Variants in MYO1D observed in about 807,000 individuals in gnomAD.
MYO1D encodes the protein myosin ID.
MYO1D carries 83 observed loss-of-function variants against 122.0 expected under a neutral mutation model. The observed-to-expected ratio is 0.68, with a 90% CI of 0.57 to 0.82. The LOEUF is 0.82. Ranked by LOEUF, MYO1D falls within the 40% of genes least tolerant of loss-of-function variation. The pLI is 0.00. For synonymous variants in MYO1D, 464 were observed against 446.9 expected (o/e 1.04, Z -0.48); for missense variants, 1,157 against 1,269.5 (o/e 0.91, Z 1.35).
chr17:32,507,882 C>A (rs1909551832), intron 21 of MYO1D, among the ~76,000 whole-genome samples: 1 of 150,892 alleles, frequency 6.6e-6, no homozygotes, highest in Admixed American at 6.6e-5. Context: ...CAGAACCCAA[C>A]CATGCTGGAC....
chr17:32,815,561 T>A (rs2090606436), intron 1 of MYO1D, among the ~76,000 whole-genome samples: 1 of 152,224 alleles, frequency 6.6e-6, no homozygotes, highest in Admixed American at 6.5e-5. Flanking sequence ...CCAATCCTGG[T>A]CAGGCAGCCC....
At chr17:32,676,964 C>T (rs1426461556) in intron 16 of MYO1D, among the ~76,000 whole-genome samples, 1 of 152,066 alleles carries the variant, frequency 6.6e-6, no homozygotes, top group Non-Finnish European at 1.5e-5. Context: ...GCGCCCACCA[C>T]CATGCCCGGC....
intron 20 of MYO1D, among the ~76,000 whole-genome samples, chr17:32,606,208 T>A (rs1256202561): frequency 2.6e-5 from 4 of 152,156 alleles, no homozygotes; most frequent in African/African-American, 7.2e-5. Context: ...AGATTTATAT[T>A]TAAAAACATT....
At chr17:32,718,253 T>C (rs1567964032) in intron 15 of MYO1D, among the ~76,000 whole-genome samples, 1 of 152,198 alleles carries the variant, frequency 6.6e-6, no homozygotes, top group Admixed American at 6.5e-5. Context: ...GATCAAGATA[T>C]ATCATCTCAG....
chr17:32,801,634 T>C (rs746018109), intron 1 of MYO1D, among the ~76,000 whole-genome samples: 4 of 152,226 alleles, frequency 2.6e-5, no homozygotes, highest in African/African-American at 4.8e-5. Context: ...TGGTGTTAGA[T>C]TGAAATGGTA....
chr17:32,604,043 T>C (rs1294220110), intron 21 of MYO1D, among the ~76,000 whole-genome samples: 1 of 152,180 alleles, frequency 6.6e-6, no homozygotes, highest in Non-Finnish European at 1.5e-5. Flanking sequence ...TAAGGTGTAA[T>C]AACATAAAAT....
chr17:32,729,650 A>C (rs1192072231), intron 14 of MYO1D, among the ~76,000 whole-genome samples: 1 of 152,216 alleles, frequency 6.6e-6, no homozygotes, highest in African/African-American at 2.4e-5. Context: ...CCTACACCTC[A>C]TGGTTGTTTT....
At chr17:32,544,544 C>T (rs531693994) in intron 21 of MYO1D, among the ~76,000 whole-genome samples, 11 of 152,302 alleles carry the variant, frequency 7.2e-5, no homozygotes, top group Non-Finnish European at 1.2e-4. Context: ...AGTTCTGTTG[C>T]TGACCACGTC....
chr17:32,567,056 A>G (rs1328618379), intron 21 of MYO1D, among the ~76,000 whole-genome samples: 1 of 151,882 alleles, frequency 6.6e-6, no homozygotes, highest in Non-Finnish European at 1.5e-5. Flanking sequence ...GGCTTCTGGG[A>G]TATTAACAGG....
intron 10 of MYO1D, chr17:32,759,891 TAGTC>T: frequency 2.0e-6 from 1 of 489,230 alleles, no homozygotes; most frequent in Non-Finnish European, 3.6e-6. Context: ...AAATACCATA[TAGTC>T]TACAAAGTAG....
chr17:32,823,667 T>C (rs1337111413), intron 1 of MYO1D, among the ~76,000 whole-genome samples: 5 of 152,196 alleles, frequency 3.3e-5, no homozygotes, highest in African/African-American at 1.2e-4. Context: ...AAAGTTATAG[T>C]TATAAAAGTA....
intron 21 of MYO1D, among the ~76,000 whole-genome samples, chr17:32,541,923 ACT>A (rs1412172952): frequency 1.3e-5 from 2 of 151,350 alleles, no homozygotes; most frequent in African/African-American, 4.9e-5. Context: ...TTACTGTAAT[ACT>A]CTCTTTTCCT....
intron 15 of MYO1D, among the ~76,000 whole-genome samples, chr17:32,716,162 G>A (rs2089442564): frequency 1.3e-5 from 2 of 152,148 alleles, no homozygotes; most frequent in Admixed American, 1.3e-4. Flanking sequence ...TCCTACTTCA[G>A]GGTCTTTGCA....
chr17:32,840,972 C>T (rs749996036), intron 1 of MYO1D, among the ~76,000 whole-genome samples: 4 of 152,184 alleles, frequency 2.6e-5, no homozygotes, highest in East Asian at 1.9e-4. Context: ...GAATGGTATT[C>T]GATAAATTAC....
At chr17:32,548,648 C>T (rs2086985494) in intron 21 of MYO1D, among the ~76,000 whole-genome samples, 1 of 151,854 alleles carries the variant, frequency 6.6e-6, no homozygotes, top group African/African-American at 2.4e-5. Context: ...TTGCATGGGA[C>T]ACCAATGAGG....
chr17:32,662,422 C>T (rs1241569091), intron 16 of MYO1D, among the ~76,000 whole-genome samples: 2 of 152,294 alleles, frequency 1.3e-5, no homozygotes, highest in South Asian at 2.1e-4. Context: ...CCTGTAATCT[C>T]GGCACTTTGG....
intron 21 of MYO1D, among the ~76,000 whole-genome samples, chr17:32,600,097 G>A (rs1215691165): frequency 6.6e-6 from 1 of 152,220 alleles, no homozygotes; most frequent in East Asian, 1.9e-4. Context: ...TGGATAACTA[G>A]ATGTACTGTC....
chr17:32,720,009 T>C (rs2089492206), intron 15 of MYO1D, among the ~76,000 whole-genome samples: 1 of 152,226 alleles, frequency 6.6e-6, no homozygotes, highest in Non-Finnish European at 1.5e-5. Context: ...CTTCCTGTCA[T>C]TGTCAGCTCC....
intron 1 of MYO1D, among the ~76,000 whole-genome samples, chr17:32,854,100 A>G (rs1461592134): frequency 6.6e-6 from 1 of 152,216 alleles, no homozygotes; most frequent in Non-Finnish European, 1.5e-5. Flanking sequence ...TTTACTAGCA[A>G]TATCAACAAC....
Sources: allele counts gnomAD v4.1 joint callset (sites outside exome capture counted in the v4.1 genomes callset), GRCh38; gene constraint gnomAD v4.1.1; transcripts MANE v1.5; gene names NCBI Gene and HGNC (gene_info 2026-07-23, HGNC 2026-07-21).